Variants in PRKAR1B observed in about 807,000 individuals in gnomAD.
The protein encoded by PRKAR1B is cAMP-dependent protein kinase type I-beta regulatory subunit.
PRKAR1B carries 22 observed loss-of-function variants against 46.5 expected under a neutral mutation model. The ratio of observed to expected loss-of-function variants is 0.47; its 90% CI spans 0.34 to 0.68. The LOEUF (loss-of-function observed/expected upper bound fraction) is 0.68, where lower values mean the gene tolerates loss of function less well. Ranked by LOEUF, PRKAR1B falls within the 30% of genes least tolerant of loss-of-function variation. The probability of loss-of-function intolerance (pLI) is 0.01; values close to 1 mark genes in which losing one functional copy is unlikely to be tolerated. For missense variants in PRKAR1B, 445 were observed against 535.6 expected (o/e 0.83, Z 1.67); for synonymous variants, 259 against 217.7 (o/e 1.19, Z -1.67).
chr7:616,821 C>T (rs1583308468), intron 4 of PRKAR1B, among the ~76,000 whole-genome samples: 1 of 152,272 alleles, frequency 6.6e-6, no homozygotes, highest in East Asian at 1.9e-4. Context: ...TCCATGAATC[C>T]CAACCTCATG....
intron 2 of PRKAR1B, among the ~76,000 whole-genome samples, chr7:695,694 C>T (rs1374341507): frequency 5.9e-5 from 9 of 151,758 alleles, no homozygotes; most frequent in Admixed American, 1.3e-4. Context: ...GACGGAGTCT[C>T]GCTCTGTCGC....
At chr7:711,842 G>A (rs972891688) in intron 1 of PRKAR1B, among the ~76,000 whole-genome samples, 2 of 151,834 alleles carry the variant, frequency 1.3e-5, no homozygotes, top group South Asian at 4.2e-4. Flanking sequence ...TGGGAAGAGT[G>A]GGGGGGCCCG....
At chr7:568,776 C>A (rs1779322614) in intron 9 of PRKAR1B, among the ~76,000 whole-genome samples, 1 of 152,234 alleles carries the variant, frequency 6.6e-6, no homozygotes, top group South Asian at 2.1e-4. Context: ...GTGCTTAAGT[C>A]TCCTCGCTTT....
At position 714,289 on chromosome 7, in the gene PRKAR1B, G is replaced by C. The variant is rs1003937202; in HGVS notation, c.-22-2762C>G. 2.0e-5 allele frequency among the ~76,000 whole-genome samples: 3 copies of C among 152,192 alleles called. No homozygotes were observed. Among genetic ancestry groups the C allele is most frequent in the African/African-American group, 7.2e-5 (3 of 41,454 alleles). The stretch of plus-strand genomic sequence containing the variant: ...CCCCACACCGTGCCTCTAGAGGAGA[G>C]TGGAGGCACCTCTCTGGCTGACCTC... On this transcript the variant is annotated intron_variant, in intron 1 of 10. Coordinates refer to ENST00000537384, the MANE Select transcript of PRKAR1B (RefSeq NM_001164760.2). This position sits in a 1 kb window ranked among gnomAD's most constrained non-coding sequence, Gnocchi z 4.3.
At chr7:716,145 T>G (rs1416800032) in intron 1 of PRKAR1B, among the ~76,000 whole-genome samples, 1 of 151,812 alleles carries the variant, frequency 6.6e-6, no homozygotes. Flanking sequence ...ATTCCTGGGC[T>G]CAAGCCATCC....
In PRKAR1B at chr7:550,568, C is replaced by T. The variant is rs370829885; in HGVS notation, c.1008G>A (p.Ala336=). ...EIALLLNRPR[A]ATVVARGPLK... is the part of the protein sequence containing the mutation. ...GGGGCCCCCGGGCCACGACAGTGGC[C>T]GCCCGGGGCCGGTTCAGCAGCAGTG... Residue 336 remains alanine (A), a synonymous_variant, in exon 11 of 11, where the codon GCG becomes GCA. Coordinates refer to ENST00000537384, the MANE Select transcript of PRKAR1B (RefSeq NM_001164760.2). The T allele has an allele frequency of 1.4e-3, 2,255 of 1,593,558 alleles. 6 individuals carry two copies. The highest frequency in any genetic ancestry group is 1.3e-3 in the Non-Finnish European group (1,546 of 1,171,668).
chr7:645,167 C>T lies in PRKAR1B; in HGVS notation c.440+32062G>A, dbSNP rs915160871. The stretch of plus-strand genomic sequence containing the variant: ...CACCCACCCAAGGTCACTCGGCAGG[C>T]AGCAGGCACAGCATGAGAACCCGGC... On this transcript the variant is annotated intron_variant, in intron 4 of 10. Coordinates refer to ENST00000537384, the MANE Select transcript of PRKAR1B (RefSeq NM_001164760.2). 3.9e-5 allele frequency among the ~76,000 whole-genome samples: 6 copies of T among 152,288 alleles called. No homozygotes were observed. In the South Asian group the frequency reaches 1.2e-3, roughly 32 times the overall value.
intron 4 of PRKAR1B, among the ~76,000 whole-genome samples, chr7:662,699 T>TC (rs1785678668): frequency 6.6e-6 from 1 of 150,618 alleles, no homozygotes; most frequent in African/African-American, 2.5e-5. Flanking sequence ...GTGGCACAGG[T>TC]CCCCACCCCA....
chr7:667,558 G>A lies in PRKAR1B; in HGVS notation c.440+9671C>T, dbSNP rs549344267. Among the ~76,000 whole-genome samples, 1 of 152,332 alleles carries A rather than the reference G, an allele frequency of 6.6e-6. No individual in the cohort carries two copies. Among genetic ancestry groups the A allele is most frequent in the South Asian group, 2.1e-4 (1 of 4,828 alleles). ...ACCCCTGAGCTGTCTCCCTGCAGCT[G>A]CAGTTCACTACAGGACAGTATGGAC... On this transcript the variant is annotated intron_variant, in intron 4 of 10. Coordinates refer to ENST00000537384, the MANE Select transcript of PRKAR1B (RefSeq NM_001164760.2). The surrounding 1 kb of genome is among the most constrained non-coding windows in gnomAD (Gnocchi z 4.3).
At position 607,455 on chromosome 7, in the gene PRKAR1B, G is replaced by A; in HGVS notation, c.441-3C>T. Reference sequence around the variant, plus strand: ...GGAACATGGCATCGAATATGTCACTGAAAAGCAAAACACGCCAAATTAGGG... The same window carrying A: ...GGAACATGGCATCGAATATGTCACTAAAAAGCAAAACACGCCAAATTAGGG... On this transcript the variant is annotated splice_polypyrimidine_tract_variant and splice_region_variant and intron_variant, in intron 4 of 10. Coordinates refer to ENST00000537384, the MANE Select transcript of PRKAR1B (RefSeq NM_001164760.2). The A allele has an allele frequency of 6.2e-7, 1 of 1,613,746 alleles. No individual in the cohort carries two copies. Among genetic ancestry groups the A allele is most frequent in the Admixed American group, 1.7e-5 (1 of 60,018 alleles).
At chr7:691,155 G>A (rs896391172) in intron 2 of PRKAR1B, among the ~76,000 whole-genome samples, 39 of 147,726 alleles carry the variant, frequency 2.6e-4, no homozygotes, top group African/African-American at 8.6e-4. Flanking sequence ...GAAGGGTCCC[G>A]CGCCCACCCA....
In PRKAR1B at chr7:696,396, C is replaced by T. The variant is rs142320363; in HGVS notation, c.177+14933G>A. 2.9e-3 allele frequency among the ~76,000 whole-genome samples: 443 copies of T among 152,248 alleles called. 4 individuals are homozygous for T. The highest frequency in any genetic ancestry group is 0.01 in the African/African-American group (428 of 41,530). On this transcript the variant is annotated intron_variant, in intron 2 of 10. Transcript: ENST00000537384. ...AAGCAATTCTCCTGCCTCAGCCTCC[C>T]GAGTAGCTGGGATTACAGACATCAG... is the stretch of plus-strand genomic sequence containing the variant.
intron 6 of PRKAR1B, among the ~76,000 whole-genome samples, chr7:597,302 G>C (rs1333876605): frequency 6.6e-6 from 1 of 152,242 alleles, no homozygotes; most frequent in Non-Finnish European, 1.5e-5. Flanking sequence ...CTATCTGAAA[G>C]AAAAGGCCAC....
rs553325266 is a variant in PRKAR1B at position 577,009 on chromosome 7, T to C, written c.891+2247A>G. ...CCATCAGCGGCCTCATCCAACTCCA[T>C]CAGTCGCCTCACCCAACGCCATCAG... On this transcript the variant is annotated intron_variant, in intron 9 of 10. Transcript: ENST00000537384. 5.6e-4 allele frequency among the ~76,000 whole-genome samples: 83 copies of C among 149,142 alleles called. 1 individual carries two copies. In the East Asian group the frequency reaches 0.015, roughly 27 times the overall value.
chr7:570,802 C>T (rs545248459), intron 9 of PRKAR1B, among the ~76,000 whole-genome samples: 3 of 152,214 alleles, frequency 2.0e-5, no homozygotes, highest in East Asian at 3.9e-4. Flanking sequence ...CACCTTGGAC[C>T]GCTGCCTGCA....
Position 596,161 on chromosome 7 carries a change from G to T in PRKAR1B, c.693C>A (p.Tyr231Ter). The change falls in exon 7 of 11, where the codon TAC becomes TAA. Residue 231 changes from tyrosine to a stop codon, truncating the protein, a stop_gained. Transcript: ENST00000537384. LOFTEE classifies it high-confidence loss of function. ...ACCAACTCACCATAAGGATGCGCCG[G>T]TAGCTGTCCCGGTCGATCCCCCAGA... ...LKLWGIDRDS[Y>*]RRILMGSTLR... 1.2e-6 allele frequency: 2 copies of T among 1,613,684 alleles called. No individual in the cohort carries two copies. The highest frequency in any genetic ancestry group is 1.7e-6 in the Non-Finnish European group (2 of 1,179,756).
intron 7 of PRKAR1B, among the ~76,000 whole-genome samples, chr7:591,340 G>A (rs1414610274): frequency 6.6e-6 from 1 of 152,266 alleles, no homozygotes; most frequent in African/African-American, 2.4e-5. Context: ...CCCAAGGGGG[G>A]CTTTGTGTGG....
At chr7:695,854 T>C (rs956433671) in intron 2 of PRKAR1B, among the ~76,000 whole-genome samples, 23 of 151,752 alleles carry the variant, frequency 1.5e-4, no homozygotes, top group South Asian at 8.3e-4. Context: ...TTAGTAGAGA[T>C]GGGGTTTCAG....
In PRKAR1B at chr7:666,386, C is replaced by G. The variant is rs955149543; in HGVS notation, c.440+10843G>C. On this transcript the variant is annotated intron_variant, in intron 4 of 10. Transcript: ENST00000537384. This position sits in a 1 kb window ranked among gnomAD's most constrained non-coding sequence, Gnocchi z 4.9. The stretch of plus-strand genomic sequence containing the variant: ...GCTGCTTCCTGAGGCTGCTGAGGTC[C>G]CTGGCCGAGGCGTAACTGCCCCGGG... 2.0e-5 allele frequency among the ~76,000 whole-genome samples: 3 copies of G among 152,148 alleles called. No individual in the cohort carries two copies. The highest frequency in any genetic ancestry group is 2.9e-5 in the Non-Finnish European group (2 of 68,004).
Sources: gnomAD v4.1 joint callset for allele counts (sites outside exome capture counted in the v4.1 genomes callset) on GRCh38, gnomAD v4.1.1 for gene constraint, Gnocchi (gnomAD v3.1) non-coding constraint, MANE v1.5 for transcripts, NCBI Gene and HGNC (gene_info 2026-07-23, HGNC 2026-07-21) for gene names.